Variants in CDC14B observed in about 807,000 individuals in gnomAD.
The protein encoded by CDC14B is cell division cycle 14B, also known as dual specificity protein phosphatase CDC14B.
A neutral mutation model predicts 64.2 loss-of-function variants in CDC14B; 22 were observed. That is an observed-to-expected ratio of 0.34 (90% confidence interval 0.24 to 0.49). The LOEUF is 0.49. CDC14B is among the 20% of genes least tolerant of loss of function. The probability of loss-of-function intolerance (pLI) is 0.99; values close to 1 mark genes in which losing one functional copy is unlikely to be tolerated. For missense variants in CDC14B, 498 were observed against 629.9 expected (o/e 0.79, Z 2.24); for synonymous variants, 191 against 215.8 (o/e 0.89, Z 1.01).
chr9:96,546,352 G>A (rs746813655), intron 5 of CDC14B, among the ~76,000 whole-genome samples: 1 of 151,962 alleles, frequency 6.6e-6, no homozygotes, highest in Non-Finnish European at 1.5e-5. Context: ...AAGCAAAACT[G>A]ATAGTGGTAG....
At chr9:96,496,493 A>C, downstream of CDC14B, 2 of 398,206 alleles carry the variant, frequency 5.0e-6, no homozygotes, top group Non-Finnish European at 1.0e-5. Flanking sequence ...CGCAAGGCAA[A>C]CTTGGGTTGG....
chr9:96,517,126 G>A (rs1461706446), intron 12 of CDC14B, among the ~76,000 whole-genome samples: 2 of 150,726 alleles, frequency 1.3e-5, no homozygotes, highest in Non-Finnish European at 3.0e-5. Flanking sequence ...GATCACCTGA[G>A]GTCAGGAGTT....
downstream of CDC14B, among the ~76,000 whole-genome samples, chr9:96,498,367 G>A (rs1217870759): frequency 3.3e-5 from 5 of 152,220 alleles, no homozygotes; most frequent in Admixed American, 6.5e-5. Flanking sequence ...CAGAAGTGGC[G>A]GAGCTGGGGC....
chr9:96,550,223 C>T (rs1250487988), intron 5 of CDC14B, among the ~76,000 whole-genome samples: 1 of 152,162 alleles, frequency 6.6e-6, no homozygotes, highest in Non-Finnish European at 1.5e-5. Flanking sequence ...TCCCTTCCTA[C>T]CCACCTCAAA....
intron 1 of CDC14B, among the ~76,000 whole-genome samples, chr9:96,574,697 C>CAAAAAAAA (rs57056796): frequency 0.027 from 1,336 of 49,908 alleles, 241 homozygotes; most frequent in African/African-American, 0.1. Flanking sequence ...CTCGGTCTCA[C>CAAAAAAAA]AAAAAAAAAA....
At chr9:96,547,415 G>A (rs1186611764) in intron 5 of CDC14B, among the ~76,000 whole-genome samples, 12 of 149,518 alleles carry the variant, frequency 8.0e-5, no homozygotes, top group Admixed American at 6.0e-4. Flanking sequence ...GCAGTGAGCC[G>A]AGATCACACC....
chr9:96,522,261 C>T (rs1029304459), intron 12 of CDC14B, among the ~76,000 whole-genome samples: 1 of 152,158 alleles, frequency 6.6e-6, no homozygotes, highest in Non-Finnish European at 1.5e-5. Context: ...GCTGATTATT[C>T]ATGGAGAAAA....
At chr9:96,597,128 GAA>G (rs1201501059) in intron 1 of CDC14B, among the ~76,000 whole-genome samples, 5 of 152,052 alleles carry the variant, frequency 3.3e-5, no homozygotes, top group African/African-American at 1.2e-4. Flanking sequence ...AGCAGCCAGA[GAA>G]AAAAGAAATA....
chr9:96,566,760 C>T, intron 1 of CDC14B: 1 of 1,604,292 alleles, frequency 6.2e-7, no homozygotes, highest in Non-Finnish European at 8.5e-7. Flanking sequence ...CCCGCCCTCC[C>T]GGCTCACCTT....
At chr9:96,538,816 G>C (rs1839640473) in intron 7 of CDC14B, 1 of 294,654 alleles carries the variant, frequency 3.4e-6, no homozygotes, top group Admixed American at 5.1e-5. Flanking sequence ...GTAAATTCTG[G>C]AGATCTAATG....
downstream of CDC14B, chr9:96,499,970 G>A (rs1035045623): frequency 6.6e-6 from 1 of 152,544 alleles, no homozygotes; most frequent in Non-Finnish European, 1.5e-5. Context: ...GAACTTCTGT[G>A]TCAGCCACCC....
chr9:96,590,247 CT>C (rs1401860878), intron 1 of CDC14B, among the ~76,000 whole-genome samples: 1 of 152,194 alleles, frequency 6.6e-6, no homozygotes, highest in Non-Finnish European at 1.5e-5. Flanking sequence ...CAGTATTTGT[CT>C]TTTCGTGACA....
chr9:96,551,771 T>C (rs1841880684), intron 5 of CDC14B, 25 bp downstream of exon 5: 2 of 1,601,338 alleles, frequency 1.2e-6, no homozygotes, highest in Non-Finnish European at 1.7e-6. Context: ...ATTACCTGAA[T>C]CTACCACATC....
At chr9:96,562,332 A>G (rs921451014) in intron 4 of CDC14B, among the ~76,000 whole-genome samples, 20 of 152,248 alleles carry the variant, frequency 1.3e-4, no homozygotes, top group Admixed American at 3.9e-4. Context: ...TGATTTTACA[A>G]CTCACTAAAT....
downstream of CDC14B, chr9:96,499,985 TG>T (rs896551061): frequency 1.3e-5 from 2 of 152,628 alleles, no homozygotes; most frequent in African/African-American, 4.8e-5. Flanking sequence ...CCACCCAGTC[TG>T]GGGTATTCCA....
intron 13 of CDC14B, among the ~76,000 whole-genome samples, chr9:96,494,365 G>A (rs1019465143): frequency 3.3e-5 from 5 of 152,238 alleles, no homozygotes; most frequent in Non-Finnish European, 2.9e-5. Flanking sequence ...GCCATGTGGC[G>A]ATGGCCATGG....
chr9:96,551,812 A>G lies in CDC14B; in HGVS notation c.481T>C (p.Ser161Pro), dbSNP rs1456517473. The G allele has an allele frequency of 6.2e-7, 1 of 1,610,648 alleles. No homozygotes were observed. Among genetic ancestry groups the G allele is most frequent in the African/African-American group, 1.3e-5 (1 of 74,828 alleles). Reference sequence around the variant, plus strand: ...TATATTTACCTGAAAGGAATATAGGATGTCTCTCCAAAGATTAATATTCTA... The same window carrying G: ...TATATTTACCTGAAAGGAATATAGGGTGTCTCTCCAAAGATTAATATTCTA... ...AYRILIFGETSYIPFRDAAYG... is the reference protein window; with the variant it reads ...AYRILIFGETPYIPFRDAAYG... The change falls in exon 5 of 14, where the codon TCC (serine) becomes CCC (proline). Residue 161 changes from serine (S) to proline (P), a missense_variant. By Grantham distance (74) the Ser-to-Pro change is moderately conservative. Transcript: ENST00000375241.
chr9:96,535,426 A>T (rs1297532900), intron 7 of CDC14B, among the ~76,000 whole-genome samples: 2 of 152,256 alleles, frequency 1.3e-5, no homozygotes, highest in Admixed American at 6.5e-5. Context: ...ATAAACTGAT[A>T]TGTAAGACAT....
chr9:96,535,730 T>C (rs1839183677), intron 7 of CDC14B, among the ~76,000 whole-genome samples: 1 of 138,088 alleles, frequency 7.2e-6, no homozygotes, highest in South Asian at 2.1e-4. Flanking sequence ...ACCAGTTTAC[T>C]GGACTTAATG....
Sources: gnomAD v4.1 joint callset for allele counts (sites outside exome capture counted in the v4.1 genomes callset) on GRCh38, gnomAD v4.1.1 for gene constraint, MANE v1.5 for transcripts, NCBI Gene and HGNC (gene_info 2026-07-23, HGNC 2026-07-21) for gene names.